The following TBC1D5 variants were observed in gnomAD, a reference collection of about 807,000 sequenced individuals.
The protein encoded by TBC1D5 is TBC1 domain family member 5.
Under a neutral mutation model 100.3 loss-of-function variants are expected in TBC1D5, and 75 were observed. The observed-to-expected ratio is 0.75, with a 90% CI of 0.62 to 0.91. TBC1D5 has a LOEUF of 0.91. Among genes scored for constraint, TBC1D5 ranks in the 40% least tolerant of loss-of-function variants. The pLI, the probability that TBC1D5 is intolerant of heterozygous loss-of-function variation, is 0.00. For missense variants in TBC1D5, 910 were observed against 942.4 expected (o/e 0.97, Z 0.45); for synonymous variants, 323 against 325.6 (o/e 0.99, Z 0.09).
chr3:17,456,495 G>C (rs2095088217), intron 3 of TBC1D5, among the ~76,000 whole-genome samples: 1 of 152,190 alleles, frequency 6.6e-6, no homozygotes, highest in African/African-American at 2.4e-5. Context: ...TGAAAGATTT[G>C]AATAGACATT....
At chr3:17,307,351 A>G (rs2150529140) in intron 14 of TBC1D5, among the ~76,000 whole-genome samples, 1 of 152,320 alleles carries the variant, frequency 6.6e-6, no homozygotes, top group Non-Finnish European at 1.5e-5. Flanking sequence ...ACAATTTTGA[A>G]GTATTTTGAA....
chr3:17,186,907 CAAG>C (rs2069193165), intron 18 of TBC1D5, among the ~76,000 whole-genome samples: 1 of 151,944 alleles, frequency 6.6e-6, no homozygotes, highest in Non-Finnish European at 1.5e-5. Flanking sequence ...ACAAATACTA[CAAG>C]AAGCTTAGCC....
chr3:17,644,801 A>C (rs1184493535), intron 1 of TBC1D5, among the ~76,000 whole-genome samples: 1 of 152,108 alleles, frequency 6.6e-6, no homozygotes, highest in Admixed American at 6.6e-5. Context: ...TACACGAGAA[A>C]ACAGGAAATC....
At chr3:17,362,277 T>C (rs966078453) in intron 13 of TBC1D5, among the ~76,000 whole-genome samples, 9 of 152,110 alleles carry the variant, frequency 5.9e-5, no homozygotes, top group African/African-American at 1.9e-4. Flanking sequence ...AGTTGATAAA[T>C]TAGGTTTCAA....
chr3:17,705,073 G>A (rs2073871931), intron 1 of TBC1D5, among the ~76,000 whole-genome samples: 1 of 131,804 alleles, frequency 7.6e-6, no homozygotes, highest in African/African-American at 2.8e-5. Flanking sequence ...CCTCCCTCCC[G>A]GACGGCACGG....
At position 17,380,045 on chromosome 3, in the gene TBC1D5, A is replaced by ATGTGTGTGTGTGTGTG. The variant is rs3041142; in HGVS notation, c.613-3448_613-3433dup. On this transcript the variant is annotated intron_variant, in intron 9 of 21. Transcript: ENST00000253692. Reference sequence around the variant, plus strand: ...GGACACTGTACAGCTGTGACTGTGTATGTGTGTGTGTGTGTGTGTGTGTGT... The same window carrying ATGTGTGTGTGTGTGTG: ...GGACACTGTACAGCTGTGACTGTGTATGTGTGTGTGTGTGTGTGTGTGTGTGTGTGTGTGTGTGTGT... Among the ~76,000 whole-genome samples the ATGTGTGTGTGTGTGTG allele has an allele frequency of 8.2e-3, 920 of 112,422 alleles. 11 individuals are homozygous for ATGTGTGTGTGTGTGTG. Among genetic ancestry groups the ATGTGTGTGTGTGTGTG allele is most frequent in the East Asian group, 0.017 (75 of 4,300 alleles). The allele number at this position is 112,422 out of a possible 152,430, so 73.8% of individuals were successfully genotyped here.
chr3:17,286,065 C>G (rs2081156244), intron 15 of TBC1D5, among the ~76,000 whole-genome samples: 1 of 152,150 alleles, frequency 6.6e-6, no homozygotes, highest in Non-Finnish European at 1.5e-5. Context: ...TGGTAGCCGT[C>G]AAATTCTTAC....
At chr3:17,545,105 T>A (rs1576623270) in intron 2 of TBC1D5, among the ~76,000 whole-genome samples, 1 of 152,106 alleles carries the variant, frequency 6.6e-6, no homozygotes, top group South Asian at 2.1e-4. Flanking sequence ...TTTTATTTTT[T>A]AAAAAAAGCA....
chr3:17,641,553 C>CT (rs1436854329), intron 1 of TBC1D5, among the ~76,000 whole-genome samples: 2 of 152,090 alleles, frequency 1.3e-5, no homozygotes, highest in Non-Finnish European at 2.9e-5. Flanking sequence ...GTAACTAACA[C>CT]TTAGAGCTTA....
chr3:17,316,116 A>G (rs554374484), intron 13 of TBC1D5, among the ~76,000 whole-genome samples: 1 of 152,302 alleles, frequency 6.6e-6, no homozygotes, highest in South Asian at 2.1e-4. Context: ...CTGTTGTCAC[A>G]TATAGTGTTG....
At chr3:17,347,911 G>A (rs2090108321) in intron 13 of TBC1D5, among the ~76,000 whole-genome samples, 1 of 152,116 alleles carries the variant, frequency 6.6e-6, no homozygotes, top group South Asian at 2.1e-4. Flanking sequence ...GCTGACGTGG[G>A]AGGATCCCTT....
At chr3:17,496,452 A>G (rs927684232) in intron 3 of TBC1D5, among the ~76,000 whole-genome samples, 1 of 152,022 alleles carries the variant, frequency 6.6e-6, no homozygotes, top group African/African-American at 2.4e-5. Flanking sequence ...ATACATGCAC[A>G]CACACACACG....
chr3:17,478,015 AT>A (rs901058051), intron 3 of TBC1D5, among the ~76,000 whole-genome samples: 1 of 152,136 alleles, frequency 6.6e-6, no homozygotes, highest in African/African-American at 2.4e-5. Context: ...TAGAAATGTG[AT>A]TGAAATTAAA....
At chr3:17,513,249 T>G (rs2095936023) in intron 2 of TBC1D5, among the ~76,000 whole-genome samples, 1 of 151,586 alleles carries the variant, frequency 6.6e-6, no homozygotes, top group Admixed American at 6.6e-5. Flanking sequence ...GAAGAATTGT[T>G]GGAACCCGGG....
chr3:17,167,846 A>C lies in TBC1D5; in HGVS notation c.1853-18T>G. ...AATATTTACTGAAAATAGAAGAATGACATTTTATAACCAATGCTCTGAGCA... is the reference window on the plus strand; with the variant it reads ...AATATTTACTGAAAATAGAAGAATGCCATTTTATAACCAATGCTCTGAGCA... On this transcript the variant is annotated intron_variant, in intron 19 of 21. Coordinates refer to ENST00000253692, the Ensembl canonical transcript of TBC1D5. 2 of 1,536,408 alleles carry C rather than the reference A, an allele frequency of 1.3e-6. No individual in the cohort carries two copies. The highest frequency in any genetic ancestry group is 1.8e-6 in the Non-Finnish European group (2 of 1,117,284).
chr3:17,541,651 C>T (rs1485116500), intron 2 of TBC1D5, among the ~76,000 whole-genome samples: 1 of 152,152 alleles, frequency 6.6e-6, no homozygotes, highest in Non-Finnish European at 1.5e-5. Context: ...GATAATTTTA[C>T]ACTTCCTTTT....
At chr3:17,161,772 A>T (rs1331126052) in intron 21 of TBC1D5, among the ~76,000 whole-genome samples, 1 of 152,230 alleles carries the variant, frequency 6.6e-6, no homozygotes, top group African/African-American at 2.4e-5. Flanking sequence ...ATCTGGAGTG[A>T]TTCTATTACT....
chr3:17,461,552 A>G (rs2095210531), intron 3 of TBC1D5, among the ~76,000 whole-genome samples: 1 of 152,198 alleles, frequency 6.6e-6, no homozygotes, highest in South Asian at 2.1e-4. Context: ...CATCAGAATA[A>G]TCTTCATATA....
intron 3 of TBC1D5, among the ~76,000 whole-genome samples, chr3:17,459,165 C>G (rs1474226147): frequency 1.3e-5 from 2 of 152,124 alleles, no homozygotes; most frequent in Non-Finnish European, 2.9e-5. Flanking sequence ...AGACTTTATA[C>G]CTTATTTCAG....
Sources: allele counts gnomAD v4.1 joint callset (sites outside exome capture counted in the v4.1 genomes callset), GRCh38; gene constraint gnomAD v4.1.1; transcripts MANE v1.5; gene names NCBI Gene and HGNC (gene_info 2026-07-23, HGNC 2026-07-21).